Variants in SLC12A3 observed in about 807,000 individuals in gnomAD.
The protein encoded by SLC12A3 is solute carrier family 12 member 3.
A neutral mutation model predicts 121.0 loss-of-function variants in SLC12A3; 104 were observed. That is an observed-to-expected ratio of 0.86 (90% CI 0.73 to 1.01). SLC12A3 has a LOEUF of 1.01. Among genes scored for constraint, SLC12A3 ranks in the 50% least tolerant of loss-of-function variants. SLC12A3 has a pLI of 0.00. For synonymous variants in SLC12A3, 536 were observed against 533.4 expected (o/e 1.00, Z -0.07); for missense variants, 1,328 against 1,356.3 (o/e 0.98, Z 0.33).
chr16:56,901,209 G>A (rs999290131), intron 23 of SLC12A3, among the ~76,000 whole-genome samples: 1 of 152,030 alleles, frequency 6.6e-6, no homozygotes, highest in Non-Finnish European at 1.5e-5. Flanking sequence ...GACCTCACTC[G>A]CCCTTGCTGG....
chr16:56,865,579 A>C, intron 1 of SLC12A3, 62 bp downstream of exon 1: 1 of 1,556,832 alleles, frequency 6.4e-7, no homozygotes, highest in Non-Finnish European at 8.8e-7. Context: ...CAGCTACCTA[A>C]CCTCTCTGAG....
chr16:56,904,275 A>G lies in SLC12A3; in HGVS notation c.2857-120A>G, dbSNP rs35304757. On this transcript the variant is annotated intron_variant, in intron 24 of 25. Transcript: ENST00000563236. ...GAGACTCTATAAGAATTTATGAGGC[A>G]GCAGAGTCTACAAGTAAATCATGAA... The G allele has an allele frequency of 1.6e-3, 1,553 of 949,724 alleles. 18 individuals carry two copies. The African/African-American group carries it at 0.022, about 14-fold the overall frequency. The allele number at this position is 949,724 out of a possible 1,614,324, so 58.8% of individuals were successfully genotyped here. A position where few individuals can be genotyped will look rare whatever the true frequency, so the allele number is the denominator to read the frequency against.
chr16:56,869,747 T>C lies in SLC12A3; in HGVS notation c.524T>C (p.Ile175Thr), dbSNP rs2055065166. 1 of 1,614,182 alleles carries C rather than the reference T, an allele frequency of 6.2e-7. No homozygotes were observed. Among genetic ancestry groups the C allele is most frequent in the South Asian group, 1.1e-5 (1 of 91,088 alleles). ...CCTGCAGTCCTGACCTGGATCATCA[T>C]CCTGCTGTCGGTCACGGTGACCTCC... ...QAGIVLTWII[I>T]LLSVTVTSIT... The change falls in exon 4 of 26, where the codon ATC becomes ACC. Residue 175 changes from isoleucine (I) to threonine (T), a missense_variant. Coordinates refer to ENST00000563236, the MANE Select transcript of SLC12A3 (RefSeq NM_001126108.2).
intron 5 of SLC12A3, 79 bp downstream of exon 5, chr16:56,870,314 G>C (rs1456948745): frequency 6.8e-7 from 1 of 1,467,904 alleles, no homozygotes; most frequent in Admixed American, 2.0e-5. Context: ...CTGGGCTGGG[G>C]CCTCCTGCTG....
intron 24 of SLC12A3, 99 bp downstream of exon 24, chr16:56,902,607 C>T (rs1386239549): frequency 4.1e-6 from 6 of 1,449,064 alleles, no homozygotes; most frequent in Non-Finnish European, 5.7e-6. Context: ...CCTCGATCCT[C>T]CACCCTGCCT....
rs1291645343 is a variant in SLC12A3, at chr16:56,867,107, G to A, written c.320G>A (p.Ser107Asn). Residue 107 changes from serine to asparagine, a missense_variant, in exon 2 of 26, where the codon AGC becomes AAC. By Grantham distance (46) the Ser-to-Asn change is conservative. Transcript: ENST00000563236. ...GRHLHALAFD[S>N]RPSHEMTDGL... ...CACCTGCATGCCCTGGCCTTTGACA[G>A]CCGGCCCAGCCACGAGATGACTGAT... 3.1e-6 allele frequency: 5 copies of A among 1,613,712 alleles called. No individual in the cohort carries two copies. The highest frequency in any genetic ancestry group is 4.2e-6 in the Non-Finnish European group (5 of 1,180,030).
intron 1 of SLC12A3, among the ~76,000 whole-genome samples, chr16:56,866,104 G>A (rs2144679950): frequency 6.6e-6 from 1 of 151,850 alleles, no homozygotes; most frequent in South Asian, 2.1e-4. Context: ...TCCTGCCTCA[G>A]CCTCCCGAGT....
In SLC12A3 at chr16:56,899,632, G is replaced by T; in HGVS notation, c.2720+16G>T. On this transcript the variant is annotated intron_variant, in intron 23 of 25. Coordinates refer to ENST00000563236, the MANE Select transcript of SLC12A3 (RefSeq NM_001126108.2). ...GGGCTGAGCAGTAAGTTCTGTTTTG[G>T]GGCTTCCAGGCAGAAGGGCCAACTG... 1 of 1,598,540 alleles carries T rather than the reference G, an allele frequency of 6.3e-7. No homozygotes were observed. The highest frequency in any genetic ancestry group is 1.1e-5 in the South Asian group (1 of 90,772).
At chr16:56,904,839 G>A (rs1448843279) in intron 25 of SLC12A3, 3 of 347,296 alleles carry the variant, frequency 8.6e-6, no homozygotes, top group African/African-American at 2.1e-5. Context: ...CTTGGCTATC[G>A]GCCATTCCCA....
At chr16:56,873,478 C>T (rs2055128401) in intron 8 of SLC12A3, among the ~76,000 whole-genome samples, 1 of 144,612 alleles carries the variant, frequency 6.9e-6, no homozygotes, top group Non-Finnish European at 1.5e-5. Flanking sequence ...CCTCCGCCTC[C>T]CGGGTTCAAG....
Position 56,867,282 on chromosome 16 carries a change from G to A in SLC12A3, c.429+66G>A, listed in dbSNP as rs779663022. ...GGTGGGGTGGCAGAGCTCCATCCAG[G>A]CTCAGCTCTGACTCTCAGGCCCTGG... On this transcript the variant is annotated intron_variant, in intron 2 of 25. Coordinates refer to ENST00000563236, the MANE Select transcript of SLC12A3 (RefSeq NM_001126108.2). 5.4e-5 allele frequency: 81 copies of A among 1,510,264 alleles called. 1 individual carries two copies. The Middle Eastern group carries it at 8.1e-4, about 15-fold the overall frequency. 93.6% of individuals were successfully genotyped at this position (1,510,264 alleles called of 1,614,324 possible). A position where few individuals can be genotyped will look rare whatever the true frequency, so the allele number is the denominator to read the frequency against.
In SLC12A3 at chr16:56,865,229, G is replaced by A; in HGVS notation, c.-7G>A. ...ATCCTGGCCCCTCCCTGGACACCCA[G>A]GCGACAATGGCAGAACTGCCCACAA... On this transcript the variant is annotated 5_prime_UTR_variant, in exon 1 of 26. Transcript: ENST00000563236. 1 of 1,613,344 alleles carries A rather than the reference G, an allele frequency of 6.2e-7. No individual in the cohort carries two copies. The highest frequency in any genetic ancestry group is 8.5e-7 in the Non-Finnish European group (1 of 1,179,944).
rs1228190745 is a variant in SLC12A3, at chr16:56,878,307, C to G, written c.1180+146C>G. The G allele has an allele frequency of 1.6e-5, 11 of 675,322 alleles. No individual in the cohort carries two copies. The East Asian group carries it at 2.7e-4, about 17-fold the overall frequency. 41.8% of individuals were successfully genotyped at this position (675,322 alleles called of 1,614,324 possible). A position where few individuals can be genotyped will look rare whatever the true frequency, so the allele number is the denominator to read the frequency against. On this transcript the variant is annotated intron_variant, in intron 9 of 25. Coordinates refer to ENST00000563236, the MANE Select transcript of SLC12A3 (RefSeq NM_001126108.2). ...GAGCTGGGCTGGGAGGGTGTGGCGACCTTAGGATGTGAAGCCTTGAACCTA... is the reference window on the plus strand; with the variant it reads ...GAGCTGGGCTGGGAGGGTGTGGCGAGCTTAGGATGTGAAGCCTTGAACCTA...
intron 25 of SLC12A3, among the ~76,000 whole-genome samples, chr16:56,905,377 A>AGAACAT (rs1172720433): frequency 2.0e-5 from 3 of 151,226 alleles, no homozygotes; most frequent in Non-Finnish European, 4.4e-5. Flanking sequence ...AAGAAGAGGA[A>AGAACAT]GAACATGATC....
At chr16:56,880,022 T>C in intron 11 of SLC12A3, 108 bp from the exon 12 acceptor site, 1 of 1,382,622 alleles carries the variant, frequency 7.2e-7, no homozygotes. Flanking sequence ...GGACCCAGGT[T>C]GGGGAGGTCA....
At chr16:56,900,586 A>G (rs561173195) in intron 23 of SLC12A3, among the ~76,000 whole-genome samples, 1 of 151,410 alleles carries the variant, frequency 6.6e-6, no homozygotes, top group Non-Finnish European at 1.5e-5. Flanking sequence ...GCTGGAGTGC[A>G]GTGGCGCAAT....
chr16:56,871,461 G>T (rs910676146), intron 6 of SLC12A3, among the ~76,000 whole-genome samples: 2 of 152,164 alleles, frequency 1.3e-5, no homozygotes, highest in Non-Finnish European at 2.9e-5. Context: ...AGACTCAGCC[G>T]GACAGGCCCT....
chr16:56,866,186 ATATTGGCC>A (rs1964351628), intron 1 of SLC12A3, among the ~76,000 whole-genome samples: 1 of 151,920 alleles, frequency 6.6e-6, no homozygotes, highest in Non-Finnish European at 1.5e-5. Flanking sequence ...GGGTTTTGCC[ATATTGGCC>A]AGGCTGGTCT....
chr16:56,881,444 T>TGG (rs1555500452), intron 12 of SLC12A3, among the ~76,000 whole-genome samples: 3 of 150,172 alleles, frequency 2.0e-5, no homozygotes, highest in African/African-American at 4.9e-5. Flanking sequence ...TCCTTTCATC[T>TGG]GGGGGGGGGT....
Sources: gnomAD v4.1 joint callset for allele counts (sites outside exome capture counted in the v4.1 genomes callset) on GRCh38, gnomAD v4.1.1 for gene constraint, MANE v1.5 for transcripts, NCBI Gene and HGNC (gene_info 2026-07-23, HGNC 2026-07-21) for gene names.